The following PTPN13 variants were observed in gnomAD, a reference collection of about 807,000 sequenced individuals.
The protein encoded by PTPN13 is tyrosine-protein phosphatase non-receptor type 13.
Under a neutral mutation model 284.0 loss-of-function variants are expected in PTPN13, and 191 were observed. The observed-to-expected ratio is 0.67, with a 90% CI of 0.60 to 0.76. The LOEUF is 0.76. PTPN13 is among the 30% of genes least tolerant of loss of function. The pLI, the probability that PTPN13 is intolerant of heterozygous loss-of-function variation, is 0.00. For synonymous variants in PTPN13, 986 were observed against 1,022.3 expected (o/e 0.96, Z 0.68); for missense variants, 2,797 against 2,939.9 (o/e 0.95, Z 1.12).
intron 1 of PTPN13, among the ~76,000 whole-genome samples, chr4:86,623,234 T>C (rs1578272586): frequency 6.6e-6 from 1 of 152,092 alleles, no homozygotes; most frequent in Non-Finnish European, 1.5e-5. Context: ...TCCAAGGCAG[T>C]GGAAGAAAAG....
At chr4:86,809,689 T>G in intron 45 of PTPN13, 80 bp from the exon 46 acceptor site, 1 of 1,358,030 alleles carries the variant, frequency 7.4e-7, no homozygotes, top group Non-Finnish European at 1.0e-6. Context: ...AGACCCTATC[T>G]CAAGAAAGAA....
chr4:86,680,702 A>C (rs937956501), intron 3 of PTPN13, among the ~76,000 whole-genome samples: 8 of 152,156 alleles, frequency 5.3e-5, no homozygotes, highest in Non-Finnish European at 1.0e-4. Flanking sequence ...TGAAGTACAG[A>C]TTCCTTAACC....
At chr4:86,736,078 G>C (rs1221280373) in intron 15 of PTPN13, among the ~76,000 whole-genome samples, 1 of 152,126 alleles carries the variant, frequency 6.6e-6, no homozygotes, top group East Asian at 1.9e-4. Flanking sequence ...TGAATGGCTT[G>C]ATATGAGAGG....
At chr4:86,642,487 C>G (rs1947298422) in intron 2 of PTPN13, among the ~76,000 whole-genome samples, 1 of 110,566 alleles carries the variant, frequency 9.0e-6, no homozygotes, top group South Asian at 3.2e-4. Context: ...GAGTCTCACT[C>G]TGTCACTCAG....
At chr4:86,659,522 A>AT (rs1726231165) in intron 2 of PTPN13, among the ~76,000 whole-genome samples, 2 of 152,212 alleles carry the variant, frequency 1.3e-5, no homozygotes, top group Non-Finnish European at 2.9e-5. Context: ...CACATTTCAA[A>AT]TTTTTAAAAG....
chr4:86,784,027 G>A (rs1421233143), intron 37 of PTPN13, among the ~76,000 whole-genome samples: 16 of 151,646 alleles, frequency 1.1e-4, no homozygotes, highest in Admixed American at 9.9e-4. Flanking sequence ...TTGAAAAGTT[G>A]GTATTTTCTC....
At chr4:86,652,095 A>G (rs942111901) in intron 2 of PTPN13, among the ~76,000 whole-genome samples, 2 of 152,136 alleles carry the variant, frequency 1.3e-5, no homozygotes, top group Admixed American at 6.5e-5. Context: ...ACCATCTGTT[A>G]AAAACAAAAA....
chr4:86,804,966 G>T (rs1424994272), intron 43 of PTPN13, among the ~76,000 whole-genome samples: 4 of 152,148 alleles, frequency 2.6e-5, no homozygotes, highest in African/African-American at 4.8e-5. Context: ...TCACTTTATG[G>T]CAGAGTTGGG....
chr4:86,658,366 C>G (rs983553284), intron 2 of PTPN13, among the ~76,000 whole-genome samples: 14 of 152,178 alleles, frequency 9.2e-5, no homozygotes, highest in African/African-American at 2.7e-4. Context: ...TTGAATGCCT[C>G]TTTCCTTGAT....
intron 6 of PTPN13, among the ~76,000 whole-genome samples, chr4:86,697,305 A>AAT (rs1475359758): frequency 1.3e-5 from 2 of 152,150 alleles, no homozygotes; most frequent in African/African-American, 4.8e-5. Flanking sequence ...GTAGTCTTTA[A>AAT]TAAAGAAAAT....
At chr4:86,603,663 CT>C (rs1334251517) in intron 1 of PTPN13, among the ~76,000 whole-genome samples, 1 of 151,990 alleles carries the variant, frequency 6.6e-6, no homozygotes, top group African/African-American at 2.4e-5. Flanking sequence ...ACCCAGTTCC[CT>C]TTTTTAACTA....
chr4:86,681,189 C>T (rs553228295), intron 3 of PTPN13, among the ~76,000 whole-genome samples: 36 of 152,296 alleles, frequency 2.4e-4, no homozygotes, highest in Middle Eastern at 3.4e-3. Context: ...GTCAAAATAA[C>T]CTTTTCTTGT....
chr4:86,630,673 C>G (rs1214938846), intron 1 of PTPN13, among the ~76,000 whole-genome samples: 2 of 152,112 alleles, frequency 1.3e-5, no homozygotes, highest in African/African-American at 4.8e-5. Flanking sequence ...AAACTAGTGG[C>G]ATACACAGAG....
Position 86,607,462 on chromosome 4 carries a change from T to C in PTPN13, c.-6+12673T>C, listed in dbSNP as rs61391256. 8.6e-3 allele frequency among the ~76,000 whole-genome samples: 1,311 copies of C among 152,144 alleles called. 16 individuals carry two copies. Among genetic ancestry groups the C allele is most frequent in the African/African-American group, 0.029 (1,198 of 41,562 alleles). ...TAAGAAATTGAGACGTAGTATATTA[T>C]TTATCTTTACAGTCCTGTTGAGGTA... On this transcript the variant is annotated intron_variant, in intron 1 of 47. Transcript: ENST00000411767.
chr4:86,635,277 G>A lies in PTPN13; in HGVS notation c.21G>A (p.Glu7=), dbSNP rs10025433. The part of the protein sequence containing the change: MHVSLA[E]ALEVRGGPLQ... ...GTAATATGCACGTGTCACTAGCTGA[G>A]GCCCTGGAGGTTCGGGGTGGACCAC... is the stretch of plus-strand genomic sequence containing the variant. The change falls in exon 2 of 48, where the codon GAG becomes GAA. Residue 7 remains glutamate (E), a synonymous_variant. Transcript: ENST00000411767. 5,142 of 1,604,852 alleles carry A rather than the reference G, an allele frequency of 3.2e-3. 17 individuals carry two copies. Among genetic ancestry groups the A allele is most frequent in the Middle Eastern group, 8.8e-3 (53 of 6,052 alleles).
chr4:86,677,091 C>G (rs920030810), intron 3 of PTPN13, among the ~76,000 whole-genome samples: 1 of 151,858 alleles, frequency 6.6e-6, no homozygotes, highest in African/African-American at 2.4e-5. Flanking sequence ...CACGGTAAAA[C>G]CCTGTCTCTA....
At chr4:86,711,859 G>T (rs1010596883) in intron 7 of PTPN13, among the ~76,000 whole-genome samples, 3 of 152,066 alleles carry the variant, frequency 2.0e-5, no homozygotes, top group African/African-American at 7.2e-5. Flanking sequence ...AATGAAGGTG[G>T]CTACACATGC....
chr4:86,610,585 C>T (rs1399048582), intron 1 of PTPN13, among the ~76,000 whole-genome samples: 3 of 152,236 alleles, frequency 2.0e-5, no homozygotes, highest in East Asian at 1.9e-4. Context: ...AAGTGGGAAG[C>T]TACTATCCAC....
intron 2 of PTPN13, among the ~76,000 whole-genome samples, chr4:86,649,402 G>A (rs1209720804): frequency 6.6e-6 from 1 of 152,074 alleles, no homozygotes; most frequent in African/African-American, 2.4e-5. Context: ...TTTGATTTTT[G>A]TATAAGGCAA....
Sources: allele counts gnomAD v4.1 joint callset (sites outside exome capture counted in the v4.1 genomes callset), GRCh38; gene constraint gnomAD v4.1.1; transcripts MANE v1.5; gene names NCBI Gene and HGNC (gene_info 2026-07-23, HGNC 2026-07-21).